Variants in CENPW observed in about 807,000 individuals in gnomAD.
CENPW encodes centromere protein W.
In CENPW, 3 loss-of-function variants were observed where a neutral mutation model predicts 11.1. The observed-to-expected ratio is 0.27, with a 90% CI of 0.12 to 0.70. CENPW has a LOEUF of 0.70. Ranked by LOEUF, CENPW falls within the 30% of genes least tolerant of loss-of-function variation. The pLI is 0.77. For synonymous variants in CENPW, 38 were observed against 42.0 expected (o/e 0.91, Z 0.37); for missense variants, 100 against 105.6 (o/e 0.95, Z 0.23).
chr6:126,458,616 G>A, the CENPW span, among the ~76,000 whole-genome samples: 4 of 151,212 alleles, frequency 2.6e-5, no homozygotes, highest in African/African-American at 7.2e-5. Flanking sequence ...TTTTCAGGAC[G>A]ACACTGAGAA....
chr6:126,367,201 A>G, the CENPW span, among the ~76,000 whole-genome samples: 6 of 152,086 alleles, frequency 3.9e-5, no homozygotes, highest in African/African-American at 1.4e-4. Flanking sequence ...TTAAATTTCA[A>G]TTTAATAGCT....
the CENPW span, among the ~76,000 whole-genome samples, chr6:126,415,413 T>C: frequency 5.3e-5 from 8 of 152,282 alleles, no homozygotes; most frequent in East Asian, 1.3e-3. Context: ...AATAATGTAA[T>C]AAAAATTAAA....
the CENPW span, among the ~76,000 whole-genome samples, chr6:126,433,966 A>G: frequency 6.6e-6 from 1 of 152,150 alleles, no homozygotes; most frequent in African/African-American, 2.4e-5. Flanking sequence ...AGAGTATATA[A>G]TTTTGAAGCT....
chr6:126,453,916 G>GA, the CENPW span, among the ~76,000 whole-genome samples: 4 of 150,950 alleles, frequency 2.6e-5, no homozygotes, highest in Non-Finnish European at 5.9e-5. Flanking sequence ...TCTAACTTCA[G>GA]AAAAAACAGA....
the CENPW span, among the ~76,000 whole-genome samples, chr6:126,359,186 C>T: frequency 6.6e-6 from 1 of 151,776 alleles, no homozygotes. Flanking sequence ...CAATGTTCAT[C>T]CAGGAGTTAT....
chr6:126,442,168 C>T, the CENPW span, among the ~76,000 whole-genome samples: 1 of 151,614 alleles, frequency 6.6e-6, no homozygotes, highest in Non-Finnish European at 1.5e-5. Flanking sequence ...GGTGGAATCA[C>T]ATTGTGGTTT....
chr6:126,475,414 A>C, the CENPW span, among the ~76,000 whole-genome samples: 1 of 152,058 alleles, frequency 6.6e-6, no homozygotes, highest in Non-Finnish European at 1.5e-5. Flanking sequence ...TTTTTAAAAA[A>C]AATTTTTAAA....
chr6:126,402,971 C>A, the CENPW span, among the ~76,000 whole-genome samples: 1 of 151,936 alleles, frequency 6.6e-6, no homozygotes, highest in Admixed American at 6.6e-5. Context: ...TATTTCAATT[C>A]TCTGTGTCAC....
the CENPW span, among the ~76,000 whole-genome samples, chr6:126,396,726 C>G: frequency 6.6e-6 from 1 of 152,082 alleles, no homozygotes; most frequent in Admixed American, 6.6e-5. Context: ...CTGGGTGTTA[C>G]TGCTGGTTAT....
At chr6:126,347,384 T>C (rs1348861444) in intron 2 of CENPW, among the ~76,000 whole-genome samples, 2 of 152,134 alleles carry the variant, frequency 1.3e-5, no homozygotes, top group African/African-American at 4.8e-5. Flanking sequence ...ATAACTATAG[T>C]CATGTAAAGT....
chr6:126,372,505 A>G, the CENPW span, among the ~76,000 whole-genome samples: 1 of 152,176 alleles, frequency 6.6e-6, no homozygotes, highest in Admixed American at 6.5e-5. Context: ...CAGAATACTT[A>G]TAACACTTCT....
chr6:126,343,094 C>T (rs760443789), intron 1 of CENPW, among the ~76,000 whole-genome samples: 6 of 152,104 alleles, frequency 3.9e-5, no homozygotes, highest in Non-Finnish European at 7.3e-5. Context: ...GTCAGACTGG[C>T]CCAGTCTTTC....
At chr6:126,444,683 A>G in the CENPW span, among the ~76,000 whole-genome samples, 1 of 151,118 alleles carries the variant, frequency 6.6e-6, no homozygotes, top group African/African-American at 2.4e-5. Flanking sequence ...ATTGTTTTGA[A>G]ATATTAGGAA....
At chr6:126,390,767 T>C in the CENPW span, among the ~76,000 whole-genome samples, 4 of 151,998 alleles carry the variant, frequency 2.6e-5, no homozygotes. Flanking sequence ...CATAATAACC[T>C]CCAGTGCAAT....
the CENPW span, among the ~76,000 whole-genome samples, chr6:126,392,420 A>G: frequency 6.6e-6 from 1 of 152,060 alleles, no homozygotes; most frequent in African/African-American, 2.4e-5. Flanking sequence ...TCTCCCATTC[A>G]GTATGATACT....
At chr6:126,476,845 A>G in the CENPW span, among the ~76,000 whole-genome samples, 5 of 152,082 alleles carry the variant, frequency 3.3e-5, no homozygotes, top group East Asian at 9.7e-4. Context: ...AGAATTGTGT[A>G]AGTGTCTAAA....
intron 2 of CENPW, among the ~76,000 whole-genome samples, chr6:126,346,943 C>T (rs558527669): frequency 1.4e-4 from 21 of 151,858 alleles, no homozygotes; most frequent in Non-Finnish European, 2.2e-4. Context: ...TGCGAAACTC[C>T]GTCTCAAAAA....
At chr6:126,408,527 A>C in the CENPW span, among the ~76,000 whole-genome samples, 1 of 152,102 alleles carries the variant, frequency 6.6e-6, no homozygotes, top group Non-Finnish European at 1.5e-5. Context: ...GGGAGCTACT[A>C]TTCAAGATGA....
the CENPW span, among the ~76,000 whole-genome samples, chr6:126,482,839 C>T: frequency 6.6e-6 from 1 of 151,862 alleles, no homozygotes; most frequent in African/African-American, 2.4e-5. Flanking sequence ...AAAGTCCTTG[C>T]ATTTCTATGT....
Sources: gnomAD v4.1 joint callset for allele counts (sites outside exome capture counted in the v4.1 genomes callset) on GRCh38, gnomAD v4.1.1 for gene constraint, MANE v1.5 for transcripts, NCBI Gene and HGNC (gene_info 2026-07-23, HGNC 2026-07-21) for gene names.